The following RTF1 variants were observed in gnomAD, a reference collection of about 807,000 sequenced individuals.
RTF1 encodes the protein RTF1 homolog, Paf1/RNA polymerase II complex component, also known as RNA polymerase-associated protein RTF1 homolog.
RTF1 carries 10 observed loss-of-function variants against 95.7 expected under a neutral mutation model. The ratio of observed to expected loss-of-function variants is 0.10; its 90% CI spans 0.06 to 0.18. The LOEUF is 0.18. RTF1 is among the 10% of genes least tolerant of loss of function. The pLI, the probability that RTF1 is intolerant of heterozygous loss-of-function variation, is 1.00. For missense variants in RTF1, 458 were observed against 875.6 expected, an observed-to-expected ratio of 0.52 and a Z score of 6.02; for synonymous variants, 305 against 311.8, an observed-to-expected ratio of 0.98 and a Z score of 0.23.
At chr15:41,475,314 A>C (rs1308281185) in intron 9 of RTF1, among the ~76,000 whole-genome samples, 1 of 152,226 alleles carries the variant, frequency 6.6e-6, no homozygotes, top group Non-Finnish European at 1.5e-5. Context: ...CTTTTGAAGC[A>C]CTGACCAAGC....
intron 2 of RTF1, among the ~76,000 whole-genome samples, chr15:41,445,185 T>A (rs1486317771): frequency 1.3e-5 from 2 of 152,192 alleles, no homozygotes; most frequent in Admixed American, 1.3e-4. Flanking sequence ...TCCACCCGCC[T>A]CAGCCTCCCA....
chr15:41,419,267 C>T (rs1179896718), intron 1 of RTF1, among the ~76,000 whole-genome samples: 1 of 152,008 alleles, frequency 6.6e-6, no homozygotes, highest in Non-Finnish European at 1.5e-5. Context: ...ACATTGGCTA[C>T]CATTTATATA....
At chr15:41,465,779 A>G (rs796561632) in intron 5 of RTF1, among the ~76,000 whole-genome samples, 2 of 152,322 alleles carry the variant, frequency 1.3e-5, no homozygotes, top group African/African-American at 4.8e-5. Flanking sequence ...TAGCTGGGAA[A>G]ATAATCTCTG....
rs2050969348 is a variant in RTF1, at chr15:41,480,913, C to G, written c.*226C>G. On this transcript the variant is annotated 3_prime_UTR_variant, in exon 18 of 18. Coordinates refer to ENST00000389629, the MANE Select transcript of RTF1 (RefSeq NM_015138.5). The stretch of plus-strand genomic sequence containing the variant: ...CCCCAGGGCCCCACCCAGTGTGGGC[C>G]TGGGCTCTCTTGGGCTTTATCCATG... 1 of 559,324 alleles carries G rather than the reference C, an allele frequency of 1.8e-6. No homozygotes were observed. The highest frequency in any genetic ancestry group is 1.9e-5 in the African/African-American group (1 of 53,136). The allele number at this position is 559,324 out of a possible 1,614,324, so 34.6% of individuals were successfully genotyped here. A position where few individuals can be genotyped will look rare whatever the true frequency, so the allele number is the denominator to read the frequency against.
intron 4 of RTF1, 80 bp downstream of exon 4, chr15:41,457,956 A>C: frequency 9.3e-7 from 1 of 1,072,580 alleles, no homozygotes; most frequent in South Asian, 1.4e-5. Flanking sequence ...CCTGTCCTTC[A>C]CACCTGACCT....
chr15:41,437,002 G>A (rs1225042930), intron 1 of RTF1, among the ~76,000 whole-genome samples: 4 of 151,660 alleles, frequency 2.6e-5, no homozygotes, highest in Non-Finnish European at 4.4e-5. Flanking sequence ...CAGGAGAATC[G>A]CTTGAACCCG....
chr15:41,459,975 T>C (rs1032926355), intron 4 of RTF1, among the ~76,000 whole-genome samples: 8 of 152,174 alleles, frequency 5.3e-5, no homozygotes, highest in South Asian at 2.1e-4. Context: ...AAGCATTTTC[T>C]TTGGCAGCAC....
chr15:41,430,306 G>T (rs1226537932), intron 1 of RTF1, among the ~76,000 whole-genome samples: 1 of 150,986 alleles, frequency 6.6e-6, no homozygotes, highest in Non-Finnish European at 1.5e-5. Flanking sequence ...CGATTCTCCA[G>T]CCTCAGCCTC....
chr15:41,442,972 A>T (rs183487876), intron 2 of RTF1, among the ~76,000 whole-genome samples: 61 of 152,258 alleles, frequency 4.0e-4, no homozygotes, highest in African/African-American at 1.4e-3. Flanking sequence ...AGTTTTTTCA[A>T]ACTTATATAT....
At chr15:41,420,155 A>G (rs1171331780) in intron 1 of RTF1, among the ~76,000 whole-genome samples, 6 of 152,166 alleles carry the variant, frequency 3.9e-5, no homozygotes, top group Admixed American at 2.6e-4. Flanking sequence ...CTAAATATCT[A>G]TTTGTAAAAG....
At chr15:41,441,494 T>G (rs2050735833) in intron 2 of RTF1, among the ~76,000 whole-genome samples, 1 of 152,084 alleles carries the variant, frequency 6.6e-6, no homozygotes, top group Non-Finnish European at 1.5e-5. Flanking sequence ...TAGGTCAGAG[T>G]CCTAACTTTT....
intron 1 of RTF1, among the ~76,000 whole-genome samples, chr15:41,437,988 A>G (rs1428045712): frequency 6.6e-6 from 1 of 152,230 alleles, no homozygotes; most frequent in Non-Finnish European, 1.5e-5. Context: ...CTTTGTAAAC[A>G]TGTTTCTTAC....
chr15:41,439,513 A>G (rs942304712), intron 2 of RTF1, among the ~76,000 whole-genome samples: 2 of 152,120 alleles, frequency 1.3e-5, no homozygotes, highest in Non-Finnish European at 2.9e-5. Context: ...CCAACTGTTC[A>G]TTGTCTAGAC....
In RTF1 at chr15:41,475,606, A is replaced by G. The variant is rs376632299; in HGVS notation, c.1368A>G (p.Lys456=). 1.8e-4 allele frequency: 293 copies of G among 1,613,972 alleles called. No individual in the cohort carries two copies. The highest frequency in any genetic ancestry group is 2.2e-4 in the Non-Finnish European group (263 of 1,179,932). The change falls in exon 10 of 18, where the codon AAA becomes AAG. Residue 456 remains lysine, a synonymous_variant. Transcript: ENST00000389629. ...CCGAAAGTGAGTTTATGAAGTGGAA[A>G]GAAGCGGTACGTGGCTAGAGATTAC... ...EFTESEFMKW[K]EAMFSAGMQL...
At chr15:41,431,218 CTTT>C (rs543088486) in intron 1 of RTF1, among the ~76,000 whole-genome samples, 1 of 129,956 alleles carries the variant, frequency 7.7e-6, no homozygotes. Context: ...TTTCTTTTTT[CTTT>C]TTTTTTTTTT....
At chr15:41,439,839 A>AT (rs1246186486) in intron 2 of RTF1, among the ~76,000 whole-genome samples, 1 of 152,006 alleles carries the variant, frequency 6.6e-6, no homozygotes, top group Non-Finnish European at 1.5e-5. Flanking sequence ...TTTAGTGGAG[A>AT]CAGGGTTTTG....
chr15:41,433,078 T>C (rs1319298760), intron 1 of RTF1, among the ~76,000 whole-genome samples: 1 of 151,676 alleles, frequency 6.6e-6, no homozygotes. Flanking sequence ...AAAACCTGTC[T>C]CTACTAAAAA....
At chr15:41,421,533 G>GGGT (rs1382245748) in intron 1 of RTF1, among the ~76,000 whole-genome samples, 1 of 151,460 alleles carries the variant, frequency 6.6e-6, no homozygotes, top group Non-Finnish European at 1.5e-5. Flanking sequence ...TGGGAGTCTG[G>GGGT]GGTGGGAGGA....
intron 1 of RTF1, among the ~76,000 whole-genome samples, chr15:41,426,812 TGTG>T (rs1334791998): frequency 6.5e-5 from 9 of 137,984 alleles, no homozygotes; most frequent in African/African-American, 2.5e-4. Flanking sequence ...TGTGTGTGTG[TGTG>T]TGTGTGTGTG....
Sources: allele counts gnomAD v4.1 joint callset (sites outside exome capture counted in the v4.1 genomes callset), GRCh38; gene constraint gnomAD v4.1.1; transcripts MANE v1.5; gene names NCBI Gene and HGNC (gene_info 2026-07-23, HGNC 2026-07-21).